TGFBR3: variants seen among roughly 807,000 people sequenced by gnomAD.
TGFBR3 encodes transforming growth factor beta receptor 3.
Under a neutral mutation model 87.9 loss-of-function variants are expected in TGFBR3, and 46 were observed. That is an observed-to-expected ratio of 0.52 (90% CI 0.41 to 0.67). TGFBR3 has a LOEUF of 0.67. TGFBR3 is among the 30% of genes least tolerant of loss of function. The pLI is 0.00. For missense variants in TGFBR3, 866 were observed against 1,041.9 expected, an observed-to-expected ratio of 0.83 and a Z score of 2.32; for synonymous variants, 381 against 391.6, an observed-to-expected ratio of 0.97 and a Z score of 0.32.
chr1:91,899,082 C>T (rs10875040), intron 2 of TGFBR3, among the ~76,000 whole-genome samples: 47,419 of 152,062 alleles, frequency 0.31, 8,499 homozygotes, highest in Admixed American at 0.42. Flanking sequence ...ATCTATTGTA[C>T]AGCTTGGTGA....
chr1:91,777,316 TC>T (rs757442662), intron 3 of TGFBR3, among the ~76,000 whole-genome samples: 1 of 152,184 alleles, frequency 6.6e-6, no homozygotes, highest in South Asian at 2.1e-4. Context: ...AAGACCATTC[TC>T]CCAGCATCAA....
chr1:91,771,983 C>A (rs1281782323), intron 3 of TGFBR3, among the ~76,000 whole-genome samples: 2 of 151,816 alleles, frequency 1.3e-5, no homozygotes, highest in Non-Finnish European at 2.9e-5. Flanking sequence ...GGGGTCCAGA[C>A]AAGGAGAAGG....
chr1:91,873,362 A>G (rs765307836), intron 1 of TGFBR3, among the ~76,000 whole-genome samples: 1 of 143,820 alleles, frequency 7.0e-6, no homozygotes, highest in African/African-American at 2.6e-5. Flanking sequence ...AGATCACTGC[A>G]ACCTCTCCCT....
chr1:91,772,459 G>A (rs941918949), intron 3 of TGFBR3, among the ~76,000 whole-genome samples: 3 of 152,092 alleles, frequency 2.0e-5, no homozygotes, highest in African/African-American at 7.2e-5. Flanking sequence ...GACTTGAGGA[G>A]TTTGTTCCTT....
intron 1 of TGFBR3, among the ~76,000 whole-genome samples, chr1:91,877,416 C>T (rs1326614551): frequency 6.6e-6 from 1 of 152,114 alleles, no homozygotes. Context: ...CAGCCTCGAC[C>T]TCCTGGCTCA....
At chr1:91,888,003 G>A (rs1040625481), upstream of TGFBR3, among the ~76,000 whole-genome samples, 2 of 152,146 alleles carry the variant, frequency 1.3e-5, no homozygotes, top group Admixed American at 6.5e-5. Flanking sequence ...ATCTCATCTC[G>A]AATTGTAAGT....
At chr1:91,697,694 C>A (rs17886005) in intron 15 of TGFBR3, among the ~76,000 whole-genome samples, 51 of 152,330 alleles carry the variant, frequency 3.3e-4, no homozygotes, top group African/African-American at 1.2e-3. Context: ...TAGCATTACG[C>A]CTCTGAGCAG....
In TGFBR3 at chr1:91,773,166, G is replaced by A. The variant is rs144520438; in HGVS notation, c.247-14416C>T. Among the ~76,000 whole-genome samples the A allele has an allele frequency of 5.7e-3, 868 of 152,162 alleles. 3 individuals carry two copies. Among genetic ancestry groups the A allele is most frequent in the Non-Finnish European group, 8.0e-3 (545 of 68,006 alleles). On this transcript the variant is annotated intron_variant, in intron 3 of 16. Coordinates refer to ENST00000212355, the MANE Select transcript of TGFBR3 (RefSeq NM_003243.5). ...GGCTGAGGCGGACAGATCACTTGAG[G>A]ACAAGAGTTTGAGACCAGCCTGGCC...
At position 91,758,670 on chromosome 1, in the gene TGFBR3, G is replaced by A. The variant is rs778219483; in HGVS notation, c.327C>T (p.Pro109=). 1.2e-5 allele frequency: 19 copies of A among 1,613,682 alleles called. No homozygotes were observed. Among genetic ancestry groups the A allele is most frequent in the South Asian group, 4.4e-5 (4 of 91,076 alleles). Residue 109 remains proline (P), a synonymous_variant, in exon 4 of 17, where the codon CCC becomes CCT. Coordinates refer to ENST00000212355, the MANE Select transcript of TGFBR3 (RefSeq NM_003243.5). ...SVVFLLNSPH[P]LVWHLKTERL... is the part of the protein sequence containing the mutation. ...TCTCTGTCTTCAGATGCCACACCAG[G>A]GGGTGTGGGGAGTTGAGCAGGAACA...
intron 16 of TGFBR3, among the ~76,000 whole-genome samples, chr1:91,689,134 G>C (rs1671190085): frequency 6.6e-6 from 1 of 152,104 alleles, no homozygotes; most frequent in Non-Finnish European, 1.5e-5. Context: ...GGAGCATCTG[G>C]CCATTCATAC....
chr1:91,856,086 G>A (rs1333558338), intron 2 of TGFBR3, among the ~76,000 whole-genome samples: 1 of 151,954 alleles, frequency 6.6e-6, no homozygotes, highest in East Asian at 1.9e-4. Flanking sequence ...TTTTTGAGAC[G>A]GAGTTTGGCT....
At chr1:91,726,250 A>G (rs1672545376) in intron 7 of TGFBR3, among the ~76,000 whole-genome samples, 1 of 152,208 alleles carries the variant, frequency 6.6e-6, no homozygotes, top group Admixed American at 6.5e-5. Flanking sequence ...ATATTTACAC[A>G]AGAACTCCAG....
intron 2 of TGFBR3, among the ~76,000 whole-genome samples, chr1:91,831,820 G>GT (rs1209924593): frequency 2.0e-5 from 3 of 152,136 alleles, no homozygotes; most frequent in Non-Finnish European, 2.9e-5. Context: ...TGAAAACGAC[G>GT]TAAGTCCTGT....
In TGFBR3 at chr1:91,765,573, G is replaced by A. The variant is rs572112677; in HGVS notation, c.247-6823C>T. ...CCACCCTGATCATCATCCTCTCTGT[G>A]TGTAAGACAGCGTAGAATGGCACTT... On this transcript the variant is annotated intron_variant, in intron 3 of 16. Transcript: ENST00000212355. 7.9e-5 allele frequency among the ~76,000 whole-genome samples: 12 copies of A among 152,172 alleles called. 1 individual carries two copies. The highest frequency in any genetic ancestry group is 2.4e-4 in the African/African-American group (10 of 41,496).
chr1:91,691,082 T>TA (rs776555146), intron 16 of TGFBR3, among the ~76,000 whole-genome samples: 26 of 151,514 alleles, frequency 1.7e-4, no homozygotes, highest in Non-Finnish European at 3.4e-4. Context: ...AAAAACTCAG[T>TA]AAAAAACTGA....
chr1:91,684,121 G>A (rs2100683140), intron 16 of TGFBR3, among the ~76,000 whole-genome samples: 1 of 152,308 alleles, frequency 6.6e-6, no homozygotes, highest in South Asian at 2.1e-4. Context: ...ACCCCTGAGA[G>A]TTGATGACAA....
At chr1:91,898,118 A>C (rs1021071343) in intron 2 of TGFBR3, among the ~76,000 whole-genome samples, 1 of 152,098 alleles carries the variant, frequency 6.6e-6, no homozygotes, top group African/African-American at 2.4e-5. Context: ...AAAAAATTAC[A>C]GATACAATTG....
At chr1:91,784,453 G>T (rs1446406364) in intron 3 of TGFBR3, among the ~76,000 whole-genome samples, 1 of 152,200 alleles carries the variant, frequency 6.6e-6, no homozygotes, top group Non-Finnish European at 1.5e-5. Flanking sequence ...CTCACCAGCT[G>T]AGTGTGCAGA....
chr1:91,742,453 A>C (rs978449529), intron 4 of TGFBR3, among the ~76,000 whole-genome samples: 1 of 152,124 alleles, frequency 6.6e-6, no homozygotes, highest in Admixed American at 6.5e-5. Flanking sequence ...ACCCAAACTC[A>C]TTGCTTCCCT....
Sources: allele counts gnomAD v4.1 joint callset (sites outside exome capture counted in the v4.1 genomes callset), GRCh38; gene constraint gnomAD v4.1.1; transcripts MANE v1.5; gene names NCBI Gene and HGNC (gene_info 2026-07-23, HGNC 2026-07-21).